Variants in IGF1R observed in about 807,000 individuals in gnomAD.
IGF1R encodes the protein insulin like growth factor 1 receptor.
A neutral mutation model predicts 144.6 loss-of-function variants in IGF1R; 44 were observed. The observed-to-expected ratio is 0.30, with a 90% CI of 0.24 to 0.39. The LOEUF (loss-of-function observed/expected upper bound fraction) is 0.39, where lower values mean the gene tolerates loss of function less well. IGF1R is among the 10% of genes least tolerant of loss of function. The pLI is 1.00. For missense variants in IGF1R, 1,355 were observed against 1,833.7 expected, an observed-to-expected ratio of 0.74 and a Z score of 4.77; for synonymous variants, 795 against 722.8, an observed-to-expected ratio of 1.10 and a Z score of -1.60.
intron 15 of IGF1R, among the ~76,000 whole-genome samples, chr15:98,931,355 A>G (rs1420386827): frequency 1.3e-5 from 2 of 152,230 alleles, no homozygotes; most frequent in African/African-American, 2.4e-5. Context: ...ATAAAGAGAC[A>G]TGATTATTCT....
intron 2 of IGF1R, among the ~76,000 whole-genome samples, chr15:98,774,843 C>A (rs1390638657): frequency 1.3e-5 from 2 of 152,142 alleles, no homozygotes; most frequent in East Asian, 1.9e-4. Context: ...TAAAACGGTA[C>A]ATTTTGTTAT....
Position 98,962,539 on chromosome 15 carries a change from A to G in IGF1R, c.*5097A>G. On this transcript the variant is annotated 3_prime_UTR_variant, in exon 21 of 21. Transcript: ENST00000650285. ...GAGATGCTGAAGATACAGACCTTGG[A>G]CAGGTCAGAGGGTTTCATTTTTGGC... is the stretch of plus-strand genomic sequence containing the variant. 1 of 233,726 alleles carries G rather than the reference A, an allele frequency of 4.3e-6. No individual in the cohort carries two copies. The highest frequency in any genetic ancestry group is 6.0e-5 in the East Asian group (1 of 16,592). The allele number at this position is 233,726 out of a possible 1,614,324, so 14.5% of individuals were successfully genotyped here. A position where few individuals can be genotyped will look rare whatever the true frequency, so the allele number is the denominator to read the frequency against.
chr15:98,904,951 A>AT (rs1163796751), intron 5 of IGF1R, among the ~76,000 whole-genome samples: 1 of 152,204 alleles, frequency 6.6e-6, no homozygotes, highest in Non-Finnish European at 1.5e-5. Context: ...GTATCCTTTT[A>AT]TGTTTAGCCC....
rs535995940 is a variant in IGF1R at position 98,788,701 on chromosome 15, G to A, written c.640+80594G>A. On this transcript the variant is annotated intron_variant, in intron 2 of 20. Transcript: ENST00000650285. ...TGCTGAGGTCTGACAGCTCTGGGAG[G>A]CCAGTGAGGCCTGTCCTAATCCCTG... is the stretch of plus-strand genomic sequence containing the variant. Among the ~76,000 whole-genome samples, 152 of 152,340 alleles carry A rather than the reference G, an allele frequency of 1.0e-3. 1 individual carries two copies. Among genetic ancestry groups the A allele is most frequent in the African/African-American group, 3.6e-3 (149 of 41,574 alleles).
At chr15:98,657,901 C>A (rs1596147917) in intron 1 of IGF1R, among the ~76,000 whole-genome samples, 1 of 152,180 alleles carries the variant, frequency 6.6e-6, no homozygotes, top group Non-Finnish European at 1.5e-5. Flanking sequence ...AGATTGACCC[C>A]TATTCCGGGA....
At position 98,708,125 on chromosome 15, in the gene IGF1R, T is replaced by G; in HGVS notation, c.640+18T>G. ...CCAGAAAAGTAAGAATGATGCTGAC[T>G]GCTGCTTTCTCTCTGCCTCTCTCTC... On this transcript the variant is annotated intron_variant, in intron 2 of 20. Transcript: ENST00000650285. The G allele has an allele frequency of 6.2e-7, 1 of 1,602,732 alleles. No individual in the cohort carries two copies.
chr15:98,754,905 C>G (rs1195562171), intron 2 of IGF1R, among the ~76,000 whole-genome samples: 2 of 152,142 alleles, frequency 1.3e-5, no homozygotes, highest in Non-Finnish European at 1.5e-5. Flanking sequence ...CAGTGCTCAC[C>G]CTTCCTACCT....
intron 2 of IGF1R, among the ~76,000 whole-genome samples, chr15:98,788,316 A>G (rs6598550): frequency 0.86 from 131,094 of 151,972 alleles, 58,405 homozygotes; most frequent in Non-Finnish European, 0.97. Context: ...GTAGGATGTT[A>G]GAGGAGGAGG....
chr15:98,936,442 A>G (rs1469526047), intron 17 of IGF1R, among the ~76,000 whole-genome samples: 1 of 152,164 alleles, frequency 6.6e-6, no homozygotes, highest in Admixed American at 6.5e-5. Context: ...GCTGAGACAT[A>G]AAGCCAGCAA....
At chr15:98,662,727 G>T (rs922064019) in intron 1 of IGF1R, among the ~76,000 whole-genome samples, 1 of 152,180 alleles carries the variant, frequency 6.6e-6, no homozygotes, top group African/African-American at 2.4e-5. Flanking sequence ...AGAATGGCTT[G>T]AGAAGCTTTA....
Position 98,649,594 on chromosome 15 carries a change from T to C in IGF1R, c.13T>C (p.Ser5Pro), listed in dbSNP as rs2052295595. 1 of 1,586,704 alleles carries C rather than the reference T, an allele frequency of 6.3e-7. No homozygotes were observed. Among genetic ancestry groups the C allele is most frequent in the Non-Finnish European group, 8.6e-7 (1 of 1,161,584 alleles). The change falls in exon 1 of 21, where the codon TCC becomes CCC. Residue 5 changes from serine (S) to proline (P), a missense_variant. Ser to Pro is a moderately conservative substitution (Grantham distance 74, BLOSUM62 -1). Coordinates refer to ENST00000650285, the MANE Select transcript of IGF1R (RefSeq NM_000875.5). ...CCAAATAAAAGGAATGAAGTCTGGC[T>C]CCGGAGGAGGGTCCCCGACCTCGCT... MKSG[S>P]GGGSPTSLWG...
chr15:98,683,216 T>A (rs2053235774), intron 1 of IGF1R, among the ~76,000 whole-genome samples: 1 of 152,022 alleles, frequency 6.6e-6, no homozygotes, highest in African/African-American at 2.4e-5. Context: ...TTAAGAGAGA[T>A]CTGACGAGTT....
At chr15:98,741,223 A>AGT (rs2054732899) in intron 2 of IGF1R, among the ~76,000 whole-genome samples, 2 of 108,022 alleles carry the variant, frequency 1.9e-5, no homozygotes, top group African/African-American at 7.7e-5. Context: ...GGCTTTATAT[A>AGT]GTTTTCCTGA....
At chr15:98,917,080 G>A (rs2015287242) in intron 10 of IGF1R, 2 of 641,342 alleles carry the variant, frequency 3.1e-6, no homozygotes, top group South Asian at 3.3e-5. Context: ...AGGGACCAGG[G>A]CTTGGGTTGC....
chr15:98,649,168 T>C lies in IGF1R; in HGVS notation c.-414T>C, dbSNP rs1378141815. The C allele has an allele frequency of 1.4e-5, 3 of 219,408 alleles. No individual in the cohort carries two copies. The highest frequency in any genetic ancestry group is 6.7e-5 in the African/African-American group (3 of 44,516). The allele number at this position is 219,408 out of a possible 1,614,324, so 13.6% of individuals were successfully genotyped here. A position where few individuals can be genotyped will look rare whatever the true frequency, so the allele number is the denominator to read the frequency against. ...CCCTCCCGCGGCGGAAGCTCGGGCG[T>C]CCGGCCGCCTCCCGCGCGGCCAGGG... On this transcript the variant is annotated 5_prime_UTR_variant, in exon 1 of 21. Transcript: ENST00000650285.
At chr15:98,877,573 CATTTT>C (rs1215083611) in intron 2 of IGF1R, among the ~76,000 whole-genome samples, 2 of 134,708 alleles carry the variant, frequency 1.5e-5, no homozygotes, top group African/African-American at 5.6e-5. Context: ...CCTCTAGAAG[CATTTT>C]TAAAAAGAGA....
chr15:98,831,798 G>T (rs1216355735), intron 2 of IGF1R, among the ~76,000 whole-genome samples: 1 of 152,118 alleles, frequency 6.6e-6, no homozygotes, highest in African/African-American at 2.4e-5. Context: ...ATTTGAACAC[G>T]CTCCAGAGGC....
At chr15:98,864,094 C>CA (rs563431594) in intron 2 of IGF1R, among the ~76,000 whole-genome samples, 2,628 of 145,400 alleles carry the variant, frequency 0.018, 75 homozygotes, top group African/African-American at 0.061. Context: ...CACATCACTA[C>CA]AAAAAAAAAA....
At chr15:98,919,802 G>T (rs1373707536) in intron 10 of IGF1R, among the ~76,000 whole-genome samples, 1 of 152,230 alleles carries the variant, frequency 6.6e-6, no homozygotes, top group African/African-American at 2.4e-5. Context: ...AGGTGAAGGA[G>T]TGTCCAGCAG....
Sources: allele counts gnomAD v4.1 joint callset (sites outside exome capture counted in the v4.1 genomes callset), GRCh38; gene constraint gnomAD v4.1.1; transcripts MANE v1.5; gene names NCBI Gene and HGNC (gene_info 2026-07-23, HGNC 2026-07-21).